FARS2: variants seen among roughly 807,000 people sequenced by gnomAD.
FARS2 encodes the protein phenylalanine--tRNA ligase, mitochondrial.
Under a neutral mutation model 46.4 loss-of-function variants are expected in FARS2, and 40 were observed. That is an observed-to-expected ratio of 0.86 (90% CI 0.67 to 1.12). FARS2 has a LOEUF of 1.12. FARS2 is among the 50% of genes most tolerant of loss of function. The probability of loss-of-function intolerance (pLI) is 0.00; values close to 1 mark genes in which losing one functional copy is unlikely to be tolerated. For missense variants in FARS2, 513 were observed against 567.9 expected, an observed-to-expected ratio of 0.90 and a Z score of 0.98; for synonymous variants, 234 against 214.9, an observed-to-expected ratio of 1.09 and a Z score of -0.78.
chr6:5,342,359 A>G (rs761183061), intron 1 of FARS2, among the ~76,000 whole-genome samples: 6 of 152,250 alleles, frequency 3.9e-5, no homozygotes, highest in Non-Finnish European at 5.9e-5. Context: ...TATTTATATT[A>G]GTTTCTAAAA....
intron 6 of FARS2, among the ~76,000 whole-genome samples, chr6:5,672,449 T>C (rs1416550257): frequency 1.3e-5 from 2 of 152,210 alleles, no homozygotes; most frequent in Non-Finnish European, 2.9e-5. Context: ...ACTCCCCTTT[T>C]CAATTTTACT....
chr6:5,593,238 A>G (rs1434086241), intron 5 of FARS2, among the ~76,000 whole-genome samples: 1 of 152,126 alleles, frequency 6.6e-6, no homozygotes, highest in Non-Finnish European at 1.5e-5. Context: ...GCTCACGCAA[A>G]GCCGTGTCTC....
intron 1 of FARS2, among the ~76,000 whole-genome samples, chr6:5,323,596 A>G (rs1460318658): frequency 6.6e-6 from 1 of 152,224 alleles, no homozygotes; most frequent in Admixed American, 6.5e-5. Flanking sequence ...GCTGCCATCC[A>G]GAATCTTACC....
At chr6:5,643,915 G>C (rs930359860) in intron 6 of FARS2, among the ~76,000 whole-genome samples, 1 of 152,220 alleles carries the variant, frequency 6.6e-6, no homozygotes, top group African/African-American at 2.4e-5. Flanking sequence ...TTTGGTCTCT[G>C]TAGAGAAGCT....
At chr6:5,341,239 T>A (rs867379770) in intron 1 of FARS2, among the ~76,000 whole-genome samples, 65 of 35,802 alleles carry the variant, frequency 1.8e-3, no homozygotes, top group African/African-American at 4.3e-3. Context: ...ATATATATTT[T>A]TTTTTTTTTT....
At chr6:5,357,581 A>G (rs936685555) in intron 1 of FARS2, among the ~76,000 whole-genome samples, 1 of 152,248 alleles carries the variant, frequency 6.6e-6, no homozygotes, top group Non-Finnish European at 1.5e-5. Flanking sequence ...CATAGAGGTA[A>G]AACATCTCTG....
At chr6:5,479,533 C>T (rs1463327155) in intron 4 of FARS2, among the ~76,000 whole-genome samples, 2 of 152,204 alleles carry the variant, frequency 1.3e-5, no homozygotes, top group East Asian at 1.9e-4. Context: ...ATTTCTAATA[C>T]ACAGTTGTTT....
At chr6:5,456,061 C>G (rs923103909) in intron 4 of FARS2, among the ~76,000 whole-genome samples, 70 of 152,082 alleles carry the variant, frequency 4.6e-4, no homozygotes, top group African/African-American at 1.7e-3. Context: ...TCCAAAATTA[C>G]AAAAATTAGC....
chr6:5,414,801 G>A (rs1490081795), intron 3 of FARS2, among the ~76,000 whole-genome samples: 1 of 143,926 alleles, frequency 6.9e-6, no homozygotes, highest in African/African-American at 2.6e-5. Flanking sequence ...TGCATGGTAG[G>A]TATATGACTG....
chr6:5,602,701 G>T (rs62385460), intron 5 of FARS2, among the ~76,000 whole-genome samples: 2 of 150,640 alleles, frequency 1.3e-5, no homozygotes, highest in African/African-American at 4.9e-5. Flanking sequence ...ACCTTGGAAG[G>T]TGCATGGAGA....
intron 5 of FARS2, among the ~76,000 whole-genome samples, chr6:5,546,544 C>T (rs1771030552): frequency 6.6e-6 from 1 of 151,850 alleles, no homozygotes; most frequent in Non-Finnish European, 1.5e-5. Context: ...GCCACTGCGC[C>T]CAGCCCTCAT....
At chr6:5,499,842 C>G (rs1767685386) in intron 4 of FARS2, among the ~76,000 whole-genome samples, 1 of 152,188 alleles carries the variant, frequency 6.6e-6, no homozygotes, top group Admixed American at 6.5e-5. Flanking sequence ...AAATAGTAGT[C>G]ACTAACTACT....
intron 4 of FARS2, among the ~76,000 whole-genome samples, chr6:5,474,561 C>G (rs1278081589): frequency 6.6e-6 from 1 of 151,748 alleles, no homozygotes; most frequent in Non-Finnish European, 1.5e-5. Flanking sequence ...CAAACATGTA[C>G]AGCACTTTAC....
intron 1 of FARS2, among the ~76,000 whole-genome samples, chr6:5,285,636 C>G (rs903661897): frequency 6.6e-6 from 1 of 152,170 alleles, no homozygotes; most frequent in Admixed American, 6.5e-5. Context: ...CTTTTCAAAT[C>G]TCTCCATTAG....
At chr6:5,286,005 A>G (rs1258128762) in intron 1 of FARS2, among the ~76,000 whole-genome samples, 1 of 152,122 alleles carries the variant, frequency 6.6e-6, no homozygotes, top group South Asian at 2.1e-4. Context: ...TGTTTGCATC[A>G]TAACATTTCA....
intron 1 of FARS2, among the ~76,000 whole-genome samples, chr6:5,331,701 CAG>C (rs1770809946): frequency 1.3e-5 from 2 of 152,176 alleles, no homozygotes; most frequent in Admixed American, 1.3e-4. Flanking sequence ...TCAACACTGA[CAG>C]AATGGGACTA....
chr6:5,752,373 A>G lies in FARS2; in HGVS notation c.1218-18918A>G, dbSNP rs185345791. On this transcript the variant is annotated intron_variant, in intron 6 of 6. Transcript: ENST00000274680. ...TCCTGTTCTTTTTAATCACAAAGAAAATGTTCTCGGCAGCTGACAGGATGG... is the reference window on the plus strand; with the variant it reads ...TCCTGTTCTTTTTAATCACAAAGAAGATGTTCTCGGCAGCTGACAGGATGG... Among the ~76,000 whole-genome samples, 435 of 152,334 alleles carry G rather than the reference A, an allele frequency of 2.9e-3. 1 individual carries two copies. The highest frequency in any genetic ancestry group is 7.4e-3 in the Admixed American group (114 of 15,308).
intron 1 of FARS2, among the ~76,000 whole-genome samples, chr6:5,284,063 T>C (rs536798823): frequency 6.6e-6 from 1 of 152,272 alleles, no homozygotes; most frequent in East Asian, 1.9e-4. Flanking sequence ...GATAGTGTTA[T>C]CAAACAATTT....
chr6:5,435,896 G>A (rs912603506), intron 4 of FARS2, among the ~76,000 whole-genome samples: 9 of 152,148 alleles, frequency 5.9e-5, no homozygotes, highest in African/African-American at 2.2e-4. Context: ...TTAAAAATCG[G>A]CTCTTTGGGG....
Sources: gnomAD v4.1 joint callset for allele counts (sites outside exome capture counted in the v4.1 genomes callset) on GRCh38, gnomAD v4.1.1 for gene constraint, MANE v1.5 for transcripts, NCBI Gene and HGNC (gene_info 2026-07-23, HGNC 2026-07-21) for gene names.